The following ZDHHC20 variants were observed in gnomAD, a reference collection of about 807,000 sequenced individuals.
ZDHHC20 encodes the protein zDHHC palmitoyltransferase 20.
ZDHHC20 carries 43 observed loss-of-function variants against 57.8 expected under a neutral mutation model. The ratio of observed to expected loss-of-function variants is 0.74; its 90% CI spans 0.58 to 0.96. The LOEUF (loss-of-function observed/expected upper bound fraction) is 0.96, where lower values mean the gene tolerates loss of function less well. Among genes scored for constraint, ZDHHC20 ranks in the 40% least tolerant of loss-of-function variants. The pLI is 0.00. For missense variants in ZDHHC20, 391 were observed against 441.1 expected, an observed-to-expected ratio of 0.89 and a Z score of 1.02; for synonymous variants, 157 against 153.0, an observed-to-expected ratio of 1.03 and a Z score of -0.19.
chr13:21,386,738 C>G (rs538212369), intron 9 of ZDHHC20, among the ~76,000 whole-genome samples: 101 of 152,096 alleles, frequency 6.6e-4, no homozygotes, highest in African/African-American at 2.3e-3. Flanking sequence ...TAGTAGAGAC[C>G]GGGTTTCACC....
chr13:21,406,973 G>A (rs971050344), intron 4 of ZDHHC20, among the ~76,000 whole-genome samples: 4 of 152,040 alleles, frequency 2.6e-5, no homozygotes, highest in East Asian at 1.9e-4. Context: ...TTCCACAATC[G>A]TTGAGCTAAT....
At chr13:21,381,873 A>G (rs559923257) in intron 10 of ZDHHC20, 55 of 563,306 alleles carry the variant, frequency 9.8e-5, no homozygotes, top group Middle Eastern at 2.9e-4. Context: ...GTGAGGATCT[A>G]TATCTGTGGC....
At chr13:21,404,299 C>A (rs1249240182) in intron 4 of ZDHHC20, 2 of 500,426 alleles carry the variant, frequency 4.0e-6, no homozygotes, top group Non-Finnish European at 8.0e-6. Context: ...CTTCCCCTGT[C>A]CAGCTCATTG....
intron 1 of ZDHHC20, 61 bp downstream of exon 1, chr13:21,458,993 G>T: frequency 7.5e-7 from 1 of 1,336,492 alleles, no homozygotes; most frequent in Non-Finnish European, 1.0e-6. Context: ...GGGCGCAGAG[G>T]CCTATCTCGC....
intron 7 of ZDHHC20, 131 bp from the exon 8 acceptor site, chr13:21,391,985 C>T (rs1205274191): frequency 4.8e-6 from 5 of 1,032,090 alleles, no homozygotes; most frequent in Admixed American, 3.1e-5. Context: ...CTTAATATAT[C>T]CCAATGCAAC....
At chr13:21,380,940 C>G (rs1032227284) in intron 11 of ZDHHC20, among the ~76,000 whole-genome samples, 4 of 151,986 alleles carry the variant, frequency 2.6e-5, no homozygotes, top group Non-Finnish European at 5.9e-5. Context: ...CTCGCTCTAT[C>G]CCTTCCTCAT....
intron 1 of ZDHHC20, among the ~76,000 whole-genome samples, chr13:21,426,356 T>A (rs1881247260): frequency 6.6e-6 from 1 of 152,164 alleles, no homozygotes; most frequent in Admixed American, 6.5e-5. Flanking sequence ...TTCTACTATC[T>A]AAGTCTCTTT....
intron 4 of ZDHHC20, among the ~76,000 whole-genome samples, chr13:21,413,057 A>C (rs989943929): frequency 6.6e-6 from 1 of 152,104 alleles, no homozygotes; most frequent in African/African-American, 2.4e-5. Context: ...CCTGTATTTA[A>C]ACGACCAGCC....
At chr13:21,398,987 A>G (rs1877234876) in intron 7 of ZDHHC20, among the ~76,000 whole-genome samples, 2 of 152,216 alleles carry the variant, frequency 1.3e-5, no homozygotes, top group Non-Finnish European at 2.9e-5. Flanking sequence ...AGAGAAAGGA[A>G]TTAATATTAT....
intron 1 of ZDHHC20, among the ~76,000 whole-genome samples, chr13:21,452,365 A>G (rs913806340): frequency 2.6e-5 from 4 of 152,208 alleles, no homozygotes; most frequent in African/African-American, 9.7e-5. Flanking sequence ...CTATGTCTCG[A>G]TCAAGTTGTC....
At chr13:21,401,388 G>A (rs1486620898) in intron 6 of ZDHHC20, among the ~76,000 whole-genome samples, 1 of 152,164 alleles carries the variant, frequency 6.6e-6, no homozygotes, top group Admixed American at 6.5e-5. Flanking sequence ...TGTCTTAATT[G>A]TGAATGTTTG....
chr13:21,403,745 T>C (rs910477579), intron 4 of ZDHHC20, among the ~76,000 whole-genome samples: 1 of 152,168 alleles, frequency 6.6e-6, no homozygotes, highest in African/African-American at 2.4e-5. Flanking sequence ...TGGAGTGCAG[T>C]TGCACGATCT....
rs147471006 is a variant in ZDHHC20, at chr13:21,431,415, T to C, written c.119-5737A>G. On this transcript the variant is annotated intron_variant, in intron 1 of 12. Transcript: ENST00000400590. ...GGTCCCTCCCACAACACAGGGGAAA[T>C]TACAGGAGTACAACTGAAGATGAGA... is the stretch of plus-strand genomic sequence containing the variant. Among the ~76,000 whole-genome samples, 419 of 152,274 alleles carry C rather than the reference T, an allele frequency of 2.8e-3. 3 individuals carry two copies. Among genetic ancestry groups the C allele is most frequent in the African/African-American group, 9.4e-3 (389 of 41,548 alleles).
At chr13:21,442,281 C>A (rs756431786) in intron 1 of ZDHHC20, among the ~76,000 whole-genome samples, 2 of 152,080 alleles carry the variant, frequency 1.3e-5, no homozygotes, top group Non-Finnish European at 2.9e-5. Context: ...AGGTTCTTGG[C>A]TTTTTCCATT....
At chr13:21,409,411 A>G (rs1878898181) in intron 4 of ZDHHC20, among the ~76,000 whole-genome samples, 1 of 152,174 alleles carries the variant, frequency 6.6e-6, no homozygotes, top group East Asian at 1.9e-4. Flanking sequence ...TGTTTATGGT[A>G]TTCTCTGATG....
At chr13:21,448,143 A>T in intron 1 of ZDHHC20, among the ~76,000 whole-genome samples, 1 of 140,604 alleles carries the variant, frequency 7.1e-6, no homozygotes. Flanking sequence ...CCCATCTGGG[A>T]GGTGAGGAGC....
intron 4 of ZDHHC20, among the ~76,000 whole-genome samples, chr13:21,410,642 C>T (rs541204941): frequency 6.6e-5 from 10 of 152,204 alleles, no homozygotes; most frequent in African/African-American, 1.2e-4. Flanking sequence ...AACTTCCTGG[C>T]GGCTTTGTTT....
At chr13:21,422,855 A>T (rs1394941433) in intron 2 of ZDHHC20, among the ~76,000 whole-genome samples, 1 of 152,140 alleles carries the variant, frequency 6.6e-6, no homozygotes, top group Admixed American at 6.6e-5. Context: ...TGACCAGCAC[A>T]TCCTAGTAAA....
chr13:21,421,673 G>A (rs980931214), intron 2 of ZDHHC20, among the ~76,000 whole-genome samples: 1 of 152,090 alleles, frequency 6.6e-6, no homozygotes, highest in Non-Finnish European at 1.5e-5. Flanking sequence ...AGGCTAACAA[G>A]AAAAAGTTTT....
Sources: gnomAD v4.1 joint callset for allele counts (sites outside exome capture counted in the v4.1 genomes callset) on GRCh38, gnomAD v4.1.1 for gene constraint, MANE v1.5 for transcripts, NCBI Gene and HGNC (gene_info 2026-07-23, HGNC 2026-07-21) for gene names.